The following SHTN1 variants were observed in gnomAD, a reference collection of about 807,000 sequenced individuals.
SHTN1 encodes the protein shootin 1.
In SHTN1, 42 loss-of-function variants were observed where a neutral mutation model predicts 83.1. That is an observed-to-expected ratio of 0.51 (90% CI 0.39 to 0.65). SHTN1 has a LOEUF of 0.65. Ranked by LOEUF, SHTN1 falls within the 30% of genes least tolerant of loss-of-function variation. SHTN1 has a pLI of 0.00. For missense variants in SHTN1, 622 were observed against 737.8 expected (o/e 0.84, Z 1.82); for synonymous variants, 224 against 247.7 (o/e 0.90, Z 0.90).
At chr10:116,954,014 T>C (rs752932109) in intron 5 of SHTN1, 28 bp downstream of exon 5, 1 of 1,579,454 alleles carries the variant, frequency 6.3e-7, no homozygotes, top group East Asian at 2.3e-5. Context: ...GTAAAAAATA[T>C]GCTCAATAAT....
At chr10:116,981,100 C>T (rs1851001213) in intron 1 of SHTN1, among the ~76,000 whole-genome samples, 1 of 152,104 alleles carries the variant, frequency 6.6e-6, no homozygotes, top group Non-Finnish European at 1.5e-5. Flanking sequence ...GGGCAGATCA[C>T]TTGAGGTCAG....
intron 2 of SHTN1, among the ~76,000 whole-genome samples, chr10:117,039,889 T>C (rs1852558984): frequency 6.6e-6 from 1 of 151,050 alleles, no homozygotes; most frequent in Non-Finnish European, 1.5e-5. Context: ...AGGGGGAATC[T>C]CTCCATGTGT....
At chr10:116,923,097 T>C (rs1385972125) in intron 11 of SHTN1, among the ~76,000 whole-genome samples, 1 of 152,120 alleles carries the variant, frequency 6.6e-6, no homozygotes. Context: ...GGATACATAT[T>C]AGGCAAGAAA....
intron 1 of SHTN1, among the ~76,000 whole-genome samples, chr10:116,984,774 C>A (rs1589869225): frequency 2.0e-5 from 3 of 152,298 alleles, no homozygotes; most frequent in East Asian, 3.9e-4. Context: ...GTTAACAAAG[C>A]AAGCTGGTTA....
At chr10:116,918,527 G>A (rs915248722) in intron 12 of SHTN1, among the ~76,000 whole-genome samples, 32 of 151,836 alleles carry the variant, frequency 2.1e-4, no homozygotes, top group Admixed American at 1.4e-3. Flanking sequence ...CATTATAGTC[G>A]AATTAAGTTC....
chr10:116,929,917 T>C lies in SHTN1; in HGVS notation c.944A>G (p.Glu315Gly). The change falls in exon 10 of 17, where the codon GAA (glutamate) becomes GGA (glycine). Residue 315 changes from glutamate (E) to glycine (G), a missense_variant. Transcript: ENST00000355371. ...NLKQQLELLE[E>G]DKKELELKYQ... ...TTTCAATTCCAATTCCTTTTTATCTTCCTCTAGAAGCTCCAGTTGCTGTTT... is the reference window on the plus strand; with the variant it reads ...TTTCAATTCCAATTCCTTTTTATCTCCCTCTAGAAGCTCCAGTTGCTGTTT... 1.2e-6 allele frequency: 2 copies of C among 1,609,694 alleles called. No individual in the cohort carries two copies. Among genetic ancestry groups the C allele is most frequent in the Non-Finnish European group, 1.7e-6 (2 of 1,177,418 alleles).
chr10:116,963,274 G>A (rs570144270), intron 3 of SHTN1, among the ~76,000 whole-genome samples: 417 of 150,422 alleles, frequency 2.8e-3, no homozygotes, highest in Non-Finnish European at 5.1e-3. Context: ...GGGTTTCACC[G>A]TGTTAGCCAG....
chr10:116,954,857 T>C (rs1051154792), intron 4 of SHTN1, among the ~76,000 whole-genome samples: 3 of 152,116 alleles, frequency 2.0e-5, no homozygotes, highest in African/African-American at 4.8e-5. Context: ...AAGAGGAAGG[T>C]AGTTTTTAGA....
At chr10:116,967,179 T>A (rs556972119) in intron 3 of SHTN1, among the ~76,000 whole-genome samples, 1 of 152,190 alleles carries the variant, frequency 6.6e-6, no homozygotes, top group African/African-American at 2.4e-5. Flanking sequence ...AGGGAGGGGG[T>A]CACTTTCCCT....
intron 1 of SHTN1, among the ~76,000 whole-genome samples, chr10:117,114,625 C>G (rs766201846): frequency 2.0e-5 from 3 of 152,150 alleles, no homozygotes; most frequent in Admixed American, 6.6e-5. Flanking sequence ...GAAAACTATA[C>G]ACTAGGCAGG....
intron 1 of SHTN1, among the ~76,000 whole-genome samples, chr10:117,112,749 T>C (rs1200882945): frequency 6.6e-6 from 1 of 152,196 alleles, no homozygotes; most frequent in Non-Finnish European, 1.5e-5. Flanking sequence ...AAATTTCTCT[T>C]CCTAACTCCC....
chr10:116,935,406 G>C (rs545379157), intron 9 of SHTN1, among the ~76,000 whole-genome samples: 2 of 152,256 alleles, frequency 1.3e-5, no homozygotes, highest in South Asian at 4.1e-4. Flanking sequence ...GGCCTTTTCT[G>C]CATCTATTGA....
chr10:116,898,820 C>A (rs1847615833), intron 16 of SHTN1, among the ~76,000 whole-genome samples: 2 of 152,020 alleles, frequency 1.3e-5, no homozygotes, highest in Non-Finnish European at 2.9e-5. Context: ...TTTAATTAAT[C>A]CTTATAATTA....
At chr10:117,009,695 G>A (rs1005195002), upstream of SHTN1, among the ~76,000 whole-genome samples, 71 of 152,204 alleles carry the variant, frequency 4.7e-4, no homozygotes, top group Admixed American at 4.6e-3. Context: ...ACGAGGTCAG[G>A]AGATTGAGAC....
At chr10:117,083,898 G>A (rs1853309830) in intron 1 of SHTN1, among the ~76,000 whole-genome samples, 1 of 151,492 alleles carries the variant, frequency 6.6e-6, no homozygotes, top group Non-Finnish European at 1.5e-5. Flanking sequence ...AGCTCCATCA[G>A]CTCCTTTAAG....
At chr10:117,057,240 T>A (rs1852836545) in intron 1 of SHTN1, among the ~76,000 whole-genome samples, 1 of 152,186 alleles carries the variant, frequency 6.6e-6, no homozygotes, top group Non-Finnish European at 1.5e-5. Context: ...ACTTAAACAG[T>A]AAATTGCGGG....
chr10:116,919,574 G>A (rs2133361407), intron 12 of SHTN1, among the ~76,000 whole-genome samples: 1 of 152,200 alleles, frequency 6.6e-6, no homozygotes, highest in African/African-American at 2.4e-5. Context: ...TGACAAGTTG[G>A]TGATGTGATT....
At chr10:117,098,751 C>T (rs1853543349) in intron 1 of SHTN1, among the ~76,000 whole-genome samples, 1 of 152,114 alleles carries the variant, frequency 6.6e-6, no homozygotes, top group Non-Finnish European at 1.5e-5. Flanking sequence ...AACTTATATA[C>T]TATTGACATC....
intron 1 of SHTN1, among the ~76,000 whole-genome samples, chr10:117,116,219 T>A: frequency 6.7e-6 from 1 of 149,354 alleles, no homozygotes; most frequent in Admixed American, 6.6e-5. Flanking sequence ...AAAATCAGAA[T>A]CAAAATAGGA....
Sources: allele counts gnomAD v4.1 joint callset (sites outside exome capture counted in the v4.1 genomes callset), GRCh38; gene constraint gnomAD v4.1.1; transcripts MANE v1.5; gene names NCBI Gene and HGNC (gene_info 2026-07-23, HGNC 2026-07-21).